The following THSD4 variants were observed in gnomAD, a reference collection of about 807,000 sequenced individuals.
The protein encoded by THSD4 is thrombospondin type 1 domain containing 4.
A neutral mutation model predicts 119.0 loss-of-function variants in THSD4; 69 were observed. The observed-to-expected ratio is 0.58, with a 90% CI of 0.48 to 0.71. THSD4 has a LOEUF of 0.71. THSD4 is among the 30% of genes least tolerant of loss of function. The probability of loss-of-function intolerance (pLI) is 0.00; values close to 1 mark genes in which losing one functional copy is unlikely to be tolerated. For missense variants in THSD4, 1,393 were observed against 1,391.1 expected, an observed-to-expected ratio of 1.00 and a Z score of -0.02; for synonymous variants, 524 against 540.4, an observed-to-expected ratio of 0.97 and a Z score of 0.42.
chr15:71,417,020 A>G (rs149242136), intron 7 of THSD4, among the ~76,000 whole-genome samples: 2,670 of 108,040 alleles, frequency 0.025, 800 homozygotes, highest in African/African-American at 0.08. Flanking sequence ...CAGCCTCCCA[A>G]AGTGCTGGGA....
At chr15:71,675,252 C>T (rs564916819) in intron 8 of THSD4, among the ~76,000 whole-genome samples, 12 of 152,152 alleles carry the variant, frequency 7.9e-5, no homozygotes, top group African/African-American at 2.2e-4. Context: ...TAATACATGG[C>T]AGAAGAATAA....
chr15:71,681,730 T>C (rs1222290990), intron 8 of THSD4, among the ~76,000 whole-genome samples: 1 of 151,038 alleles, frequency 6.6e-6, no homozygotes, highest in East Asian at 1.9e-4. Flanking sequence ...TAACTGATAG[T>C]GAACTAAGAT....
At chr15:71,165,041 G>A (rs373804712) in intron 3 of THSD4, 7 of 1,589,118 alleles carry the variant, frequency 4.4e-6, no homozygotes, top group Non-Finnish European at 6.0e-6. Context: ...CAGTTTCTTC[G>A]CAACATCACC....
At chr15:71,628,643 T>C (rs773943014) in intron 7 of THSD4, among the ~76,000 whole-genome samples, 19 of 152,230 alleles carry the variant, frequency 1.2e-4, no homozygotes, top group Non-Finnish European at 7.3e-5. Flanking sequence ...GCAATGTTGA[T>C]GCTGTTAGTT....
intron 6 of THSD4, among the ~76,000 whole-genome samples, chr15:71,307,500 G>A (rs1976723): frequency 0.93 from 141,606 of 152,310 alleles, 66,420 homozygotes; most frequent in East Asian, 1. Flanking sequence ...GGCCAGGCAC[G>A]GTGGCTCACG....
intron 7 of THSD4, among the ~76,000 whole-genome samples, chr15:71,500,359 G>A (rs1024271978): frequency 2.0e-5 from 3 of 152,012 alleles, no homozygotes; most frequent in African/African-American, 4.8e-5. Flanking sequence ...AGAGTGTTTC[G>A]TATATTCTGG....
intron 4 of THSD4, among the ~76,000 whole-genome samples, chr15:71,226,182 G>A (rs2140260124): frequency 6.6e-6 from 1 of 152,238 alleles, no homozygotes; most frequent in Admixed American, 6.5e-5. Context: ...TACCACACAA[G>A]CCTGTTGTGA....
Position 71,524,150 on chromosome 15 carries a change from G to A in THSD4, c.1152+112327G>A, listed in dbSNP as rs77002508. 2.8e-3 allele frequency among the ~76,000 whole-genome samples: 420 copies of A among 152,270 alleles called. 2 individuals are homozygous for A. The highest frequency in any genetic ancestry group is 8.9e-3 in the African/African-American group (368 of 41,546). On this transcript the variant is annotated intron_variant, in intron 7 of 17. Transcript: ENST00000261862. ...TCTGAGAAAAGATAATATAAGTGAC[G>A]TTCAGAAAGATGGAATGAAGAAAAC...
intron 6 of THSD4, among the ~76,000 whole-genome samples, chr15:71,290,251 A>G (rs2044772546): frequency 6.6e-6 from 1 of 152,200 alleles, no homozygotes; most frequent in African/African-American, 2.4e-5. Flanking sequence ...TTCCTGGCTA[A>G]GTAGCTTCAA....
chr15:71,198,180 G>T (rs1446000271), intron 3 of THSD4, among the ~76,000 whole-genome samples: 1 of 152,216 alleles, frequency 6.6e-6, no homozygotes, highest in Non-Finnish European at 1.5e-5. Context: ...AGGATTGCGT[G>T]AGCCCAGGAT....
intron 6 of THSD4, among the ~76,000 whole-genome samples, chr15:71,385,786 G>A (rs796674017): frequency 5.3e-5 from 8 of 152,160 alleles, no homozygotes; most frequent in East Asian, 1.9e-4. Context: ...ATCACGTTTC[G>A]TTTAATTTAA....
intron 6 of THSD4, among the ~76,000 whole-genome samples, chr15:71,307,833 TAAA>T: frequency 6.6e-6 from 1 of 152,204 alleles, no homozygotes. Flanking sequence ...AGGATACAAA[TAAA>T]AATTAGCAAA....
At position 71,624,117 on chromosome 15, in the gene THSD4, C is replaced by T. The variant is rs1034538770; in HGVS notation, c.1153-36413C>T. On this transcript the variant is annotated intron_variant, in intron 7 of 17. Transcript: ENST00000261862. Reference sequence around the variant, plus strand: ...GGGCTGCAAGAATGATCAGGTCCAACAGATAACTTAACATATCCTACAGGG... The same window carrying T: ...GGGCTGCAAGAATGATCAGGTCCAATAGATAACTTAACATATCCTACAGGG... 1.1e-4 allele frequency among the ~76,000 whole-genome samples: 17 copies of T among 152,264 alleles called. No individual in the cohort carries two copies. In the East Asian group the frequency reaches 3.1e-3, roughly 28 times the overall value.
chr15:71,310,428 G>C (rs1008607306), intron 6 of THSD4, among the ~76,000 whole-genome samples: 1 of 152,164 alleles, frequency 6.6e-6, no homozygotes, highest in Non-Finnish European at 1.5e-5. Context: ...AAGACCTAAA[G>C]ATACAGGGAA....
chr15:71,606,233 C>T (rs571716043), intron 7 of THSD4, among the ~76,000 whole-genome samples: 1 of 152,310 alleles, frequency 6.6e-6, no homozygotes, highest in Non-Finnish European at 1.5e-5. Flanking sequence ...CTTCTTGGTT[C>T]TTGCGAAGAG....
intron 1 of THSD4, among the ~76,000 whole-genome samples, chr15:71,100,249 T>C (rs1268617293): frequency 1.3e-5 from 2 of 152,236 alleles, no homozygotes; most frequent in African/African-American, 4.8e-5. Flanking sequence ...TGATGGAATG[T>C]CACTTTTGTG....
chr15:71,312,858 G>C (rs577759267), intron 6 of THSD4, among the ~76,000 whole-genome samples: 1 of 152,148 alleles, frequency 6.6e-6, no homozygotes, highest in African/African-American at 2.4e-5. Flanking sequence ...CCTCTCTTCT[G>C]ATTGTCCCTC....
chr15:71,591,005 C>CAAAAAAAAAAAAAAA (rs67271025), intron 7 of THSD4, among the ~76,000 whole-genome samples: 37 of 57,508 alleles, frequency 6.4e-4, no homozygotes, highest in East Asian at 1.2e-3. Flanking sequence ...GACTCCATCT[C>CAAAAAAAAAAAAAAA]AAAAAAAAAA....
At chr15:71,376,215 T>C (rs1410216104) in intron 6 of THSD4, among the ~76,000 whole-genome samples, 1 of 152,188 alleles carries the variant, frequency 6.6e-6, no homozygotes. Flanking sequence ...TGTCTCTGAC[T>C]GGAGCCAATC....
Sources: gnomAD v4.1 joint callset for allele counts (sites outside exome capture counted in the v4.1 genomes callset) on GRCh38, gnomAD v4.1.1 for gene constraint, MANE v1.5 for transcripts, NCBI Gene and HGNC (gene_info 2026-07-23, HGNC 2026-07-21) for gene names.